Variants in RAB10 observed in about 807,000 individuals in gnomAD.
RAB10 encodes the protein ras-related protein Rab-10.
In RAB10, 5 loss-of-function variants were observed where a neutral mutation model predicts 25.7. The ratio of observed to expected loss-of-function variants is 0.19; its 90% confidence interval spans 0.10 to 0.41. The LOEUF is 0.41. Among genes scored for constraint, RAB10 ranks in the 10% least tolerant of loss-of-function variants. The pLI, the probability that RAB10 is intolerant of heterozygous loss-of-function variation, is 1.00. For missense variants in RAB10, 103 were observed against 245.8 expected (o/e 0.42, Z 3.89); for synonymous variants, 89 against 86.4 (o/e 1.03, Z -0.16).
At chr2:26,133,633 A>C (rs1197942789) in intron 5 of RAB10, among the ~76,000 whole-genome samples, 1 of 151,930 alleles carries the variant, frequency 6.6e-6, no homozygotes, top group Non-Finnish European at 1.5e-5. Context: ...AAATGGGCCT[A>C]CCCTTTTAAA....
intron 1 of RAB10, among the ~76,000 whole-genome samples, chr2:26,074,309 G>C (rs1048557878): frequency 5.3e-5 from 8 of 152,190 alleles, no homozygotes; most frequent in Admixed American, 5.2e-4. Context: ...ATTTTAAACA[G>C]CTTATCTCTA....
At chr2:26,085,456 T>G (rs1300849971) in intron 1 of RAB10, among the ~76,000 whole-genome samples, 1 of 145,150 alleles carries the variant, frequency 6.9e-6, no homozygotes, top group Non-Finnish European at 1.5e-5. Context: ...GCCACTGCAC[T>G]CCAGCCTGGG....
intron 1 of RAB10, among the ~76,000 whole-genome samples, chr2:26,068,530 CTG>C (rs890306946): frequency 6.6e-6 from 1 of 152,100 alleles, no homozygotes; most frequent in Non-Finnish European, 1.5e-5. Flanking sequence ...CTGTCAGTGA[CTG>C]TGACAGTGAG....
chr2:26,083,348 A>G (rs1035187140), intron 1 of RAB10, among the ~76,000 whole-genome samples: 1 of 152,280 alleles, frequency 6.6e-6, no homozygotes, highest in Non-Finnish European at 1.5e-5. Context: ...TCAGTGTACC[A>G]AAACCAATTG....
chr2:26,104,288 G>A (rs1034378712), intron 2 of RAB10, among the ~76,000 whole-genome samples: 2 of 152,202 alleles, frequency 1.3e-5, no homozygotes, highest in African/African-American at 4.8e-5. Context: ...GGGGAGCTAG[G>A]TTGGTATCTC....
intron 3 of RAB10, among the ~76,000 whole-genome samples, chr2:26,111,648 A>G (rs1307076480): frequency 6.6e-6 from 1 of 151,870 alleles, no homozygotes; most frequent in Non-Finnish European, 1.5e-5. Context: ...AAAAAGCTTT[A>G]TTTTGATTTC....
chr2:26,096,938 T>C lies in RAB10; in HGVS notation c.128-1724T>C, dbSNP rs551986963. ...TTTGTTGCAGACAGAAAACATACTT[T>C]GGGCTGGGTGCGGTGGCTCACGCCT... On this transcript the variant is annotated intron_variant, in intron 1 of 5. Coordinates refer to ENST00000264710, the MANE Select transcript of RAB10 (RefSeq NM_016131.5). Among the ~76,000 whole-genome samples the C allele has an allele frequency of 1.6e-4, 24 of 152,322 alleles. 1 individual carries two copies. The highest frequency in any genetic ancestry group is 1.5e-3 in the Admixed American group (23 of 15,290).
chr2:26,096,212 T>G (rs975857652), intron 1 of RAB10, among the ~76,000 whole-genome samples: 16 of 152,230 alleles, frequency 1.1e-4, no homozygotes, highest in Admixed American at 9.2e-4. Context: ...GTTAGCCCTG[T>G]CTTTCACTTT....
At chr2:26,040,510 T>A (rs1665861101) in intron 1 of RAB10, among the ~76,000 whole-genome samples, 1 of 151,846 alleles carries the variant, frequency 6.6e-6, no homozygotes, top group Non-Finnish European at 1.5e-5. Context: ...AACAAAAAAT[T>A]AGCAGGACAT....
At chr2:26,033,559 CAA>C (rs1408238987), upstream of RAB10, among the ~76,000 whole-genome samples, 1 of 152,242 alleles carries the variant, frequency 6.6e-6, no homozygotes, top group African/African-American at 2.4e-5. Context: ...CTCGTTCTAG[CAA>C]AGAGGCTATT....
chr2:26,033,414 G>A (rs1160641218), upstream of RAB10, among the ~76,000 whole-genome samples: 1 of 152,250 alleles, frequency 6.6e-6, no homozygotes, highest in African/African-American at 2.4e-5. Context: ...GAGGTTGTGA[G>A]GATTACCTCA....
At chr2:26,059,754 G>T (rs1442784796) in intron 1 of RAB10, among the ~76,000 whole-genome samples, 1 of 152,166 alleles carries the variant, frequency 6.6e-6, no homozygotes, top group Non-Finnish European at 1.5e-5. Flanking sequence ...TCAGGAGCTG[G>T]GGGAGGGAAG....
In RAB10 at chr2:26,079,395, G is replaced by A. The variant is rs1666816708; in HGVS notation, c.128-19267G>A. Among the ~76,000 whole-genome samples the A allele has an allele frequency of 2.0e-5, 3 of 151,038 alleles. No homozygotes were observed. In the South Asian group the frequency reaches 6.3e-4, roughly 32 times the overall value. On this transcript the variant is annotated intron_variant, in intron 1 of 5. Transcript: ENST00000264710. ...GGATTAAACATTTAAGTAAAAATTT[G>A]TAGATAATGACAGCTGGGTTTCTCG... is the stretch of plus-strand genomic sequence containing the variant.
chr2:26,075,397 C>T (rs969370110), intron 1 of RAB10, among the ~76,000 whole-genome samples: 2 of 152,096 alleles, frequency 1.3e-5, no homozygotes, highest in African/African-American at 4.8e-5. Flanking sequence ...TCCCACCCAC[C>T]TCCTCCCTCT....
intron 3 of RAB10, among the ~76,000 whole-genome samples, chr2:26,110,974 A>G (rs539120996): frequency 6.6e-6 from 1 of 152,276 alleles, no homozygotes; most frequent in South Asian, 2.1e-4. Context: ...CTGAAGTGCT[A>G]GGATTGCAGG....
chr2:26,035,331 C>A (rs1397621722), intron 1 of RAB10, among the ~76,000 whole-genome samples: 1 of 152,174 alleles, frequency 6.6e-6, no homozygotes, highest in African/African-American at 2.4e-5. Flanking sequence ...CTTTTCGAGA[C>A]ATCAACAGAA....
chr2:26,101,450 A>C (rs1667336768), intron 2 of RAB10: 1 of 152,274 alleles, frequency 6.6e-6, no homozygotes, highest in Non-Finnish European at 1.5e-5. Context: ...TGGGGATGAG[A>C]TAGCTATAGG....
intron 5 of RAB10, among the ~76,000 whole-genome samples, chr2:26,128,764 CT>C (rs1483189157): frequency 3.3e-5 from 5 of 152,196 alleles, no homozygotes; most frequent in Admixed American, 6.5e-5. Flanking sequence ...AAAATGTGAT[CT>C]TGGGGAATTT....
chr2:26,058,388 A>G (rs947226242), intron 1 of RAB10, among the ~76,000 whole-genome samples: 3 of 152,048 alleles, frequency 2.0e-5, no homozygotes, highest in African/African-American at 7.2e-5. Context: ...AAGAACATGT[A>G]AGGCTCCGTG....
Sources: allele counts gnomAD v4.1 joint callset (sites outside exome capture counted in the v4.1 genomes callset), GRCh38; gene constraint gnomAD v4.1.1; transcripts MANE v1.5; gene names NCBI Gene and HGNC (gene_info 2026-07-23, HGNC 2026-07-21).